Variants in KCNQ1 observed in about 807,000 individuals in gnomAD.
The protein encoded by KCNQ1 is potassium voltage-gated channel subfamily Q member 1.
In KCNQ1, 49 loss-of-function variants were observed where a neutral mutation model predicts 72.4. The ratio of observed to expected loss-of-function variants is 0.68; its 90% CI spans 0.54 to 0.86. KCNQ1 has a LOEUF of 0.86. KCNQ1 is among the 40% of genes least tolerant of loss of function. The pLI is 0.00. For missense variants in KCNQ1, 790 were observed against 945.1 expected (o/e 0.84, Z 2.15); for synonymous variants, 450 against 412.6 (o/e 1.09, Z -1.10).
Position 2,687,489 on chromosome 11 carries a change from C to G in KCNQ1, c.1514+25408C>G, listed in dbSNP as rs1850510588. 1 of 398,692 alleles carries G rather than the reference C, an allele frequency of 2.5e-6. No individual in the cohort carries two copies. Among genetic ancestry groups the G allele is most frequent in the Admixed American group, 4.4e-5 (1 of 22,722 alleles). The allele number at this position is 398,692 out of a possible 1,614,324, so 24.7% of individuals were successfully genotyped here. On this transcript the variant is annotated intron_variant, in intron 11 of 15. Coordinates refer to ENST00000155840, the MANE Select transcript of KCNQ1 (RefSeq NM_000218.3). This position sits in a 1 kb window ranked among gnomAD's most constrained non-coding sequence, Gnocchi z 5.0. ...CTGCAGCATTTCAATAGGGCCATCC[C>G]AGGCACCCTAGGACTTGAGACCAGC...
Position 2,677,670 on chromosome 11 carries a change from A to G in KCNQ1, c.1514+15589A>G. 2 of 398,608 alleles carry G rather than the reference A, an allele frequency of 5.0e-6. No individual in the cohort carries two copies. The highest frequency in any genetic ancestry group is 8.8e-6 in the Non-Finnish European group (2 of 226,052). The allele number at this position is 398,608 out of a possible 1,614,324, so 24.7% of individuals were successfully genotyped here. ...ACTGTTATTGCATATGAGATAAAAT[A>G]ATATTTTAACTACTGTTATTTTTCA... is the stretch of plus-strand genomic sequence containing the variant. On this transcript the variant is annotated intron_variant, in intron 11 of 15. Coordinates refer to ENST00000155840, the MANE Select transcript of KCNQ1 (RefSeq NM_000218.3). This position sits in a 1 kb window ranked among gnomAD's most constrained non-coding sequence, Gnocchi z 4.5.
chr11:2,740,460 G>A (rs896092820), intron 11 of KCNQ1, among the ~76,000 whole-genome samples: 18 of 152,222 alleles, frequency 1.2e-4, no homozygotes, highest in Non-Finnish European at 1.9e-4. Context: ...GAGGGACCCC[G>A]ATGCAGCCCC....
intron 12 of KCNQ1, among the ~76,000 whole-genome samples, chr11:2,773,540 A>C (rs1455578284): frequency 1.3e-5 from 2 of 151,796 alleles, no homozygotes. Context: ...CCCATCTTAC[A>C]GAAGGGAGCT....
In KCNQ1 at chr11:2,787,590, T is replaced by A. The variant is rs1846937220; in HGVS notation, c.1794+9553T>A. On this transcript the variant is annotated intron_variant, in intron 15 of 15. Transcript: ENST00000155840. The surrounding 1 kb of genome is among the most constrained non-coding windows in gnomAD (Gnocchi z 6.3). ...ATAAGTAAAATTGATTACAATAATA[T>A]ATTTTATTTAACCCAATAGATCCAA... 6.6e-6 allele frequency among the ~76,000 whole-genome samples: 1 copy of A among 152,214 alleles called. No homozygotes were observed. The highest frequency in any genetic ancestry group is 2.4e-5 in the African/African-American group (1 of 41,464).
intron 11 of KCNQ1, among the ~76,000 whole-genome samples, chr11:2,757,538 C>T (rs946445321): frequency 7.2e-5 from 11 of 152,144 alleles, no homozygotes; most frequent in African/African-American, 2.7e-4. Flanking sequence ...TAACAAGAAT[C>T]CTAGCAAGAT....
intron 11 of KCNQ1, chr11:2,684,490 C>A (rs568312004): frequency 2.3e-5 from 9 of 398,640 alleles, no homozygotes; most frequent in African/African-American, 1.8e-4. Flanking sequence ...TGGCTGAGTT[C>A]TCCTTCTATT....
intron 8 of KCNQ1, among the ~76,000 whole-genome samples, chr11:2,587,285 G>A (rs1272793682): frequency 6.6e-6 from 1 of 152,224 alleles, no homozygotes; most frequent in Non-Finnish European, 1.5e-5. Flanking sequence ...TTTGGCTCAA[G>A]GCTGGCTCAG....
rs1334400160 is a variant in KCNQ1 at position 2,486,153 on chromosome 11, A to T, written c.386+40669A>T. 6.6e-6 allele frequency among the ~76,000 whole-genome samples: 1 copy of T among 152,124 alleles called. No homozygotes were observed. The highest frequency in any genetic ancestry group is 2.4e-5 in the African/African-American group (1 of 41,416). Reference sequence around the variant, plus strand: ...CACAGTAGCTACCACATCCTCACCAACACTTGTAATTTCTGGGGTTTTTTA... The same window carrying T: ...CACAGTAGCTACCACATCCTCACCATCACTTGTAATTTCTGGGGTTTTTTA... On this transcript the variant is annotated intron_variant, in intron 1 of 15. Transcript: ENST00000155840. The surrounding 1 kb of genome is among the most constrained non-coding windows in gnomAD (Gnocchi z 5.0).
chr11:2,741,758 G>A (rs1846055135), intron 11 of KCNQ1, among the ~76,000 whole-genome samples: 1 of 152,248 alleles, frequency 6.6e-6, no homozygotes, highest in Non-Finnish European at 1.5e-5. Flanking sequence ...TGCAGGGGCA[G>A]CTGCGGGCGC....
Position 2,593,539 on chromosome 11 carries a change from AGGTGACCT to A in KCNQ1, c.1393+4688_1393+4695del, listed in dbSNP as rs1301994845. 3.3e-5 allele frequency among the ~76,000 whole-genome samples: 5 copies of A among 152,182 alleles called. No homozygotes were observed. Among genetic ancestry groups the A allele is most frequent in the African/African-American group, 1.2e-4 (5 of 41,444 alleles). ...CTGTGTGTGTCACCACGTGTTTGCC[AGGTGACCT>A]GGGACTATTGTGTGGTTTCCCGTTT... is the stretch of plus-strand genomic sequence containing the variant. On this transcript the variant is annotated intron_variant, in intron 10 of 15. Transcript: ENST00000155840. The surrounding 1 kb of genome is among the most constrained non-coding windows in gnomAD (Gnocchi z 6.9).
In KCNQ1 at chr11:2,661,500, A is replaced by T; in HGVS notation, c.1394-461A>T. On this transcript the variant is annotated intron_variant, in intron 10 of 15. Transcript: ENST00000155840. The surrounding 1 kb of genome is among the most constrained non-coding windows in gnomAD (Gnocchi z 5.9). ...CCACCTCCCAGGCTTGCCATTCCTC[A>T]TGGGTCAGAGGTCCTATCACCCCAT... The T allele has an allele frequency of 4.5e-6, 2 of 442,170 alleles. No homozygotes were observed. The highest frequency in any genetic ancestry group is 4.0e-6 in the Non-Finnish European group (1 of 251,598). 27.4% of individuals were successfully genotyped at this position (442,170 alleles called of 1,614,324 possible). A position where few individuals can be genotyped will look rare whatever the true frequency, so the allele number is the denominator to read the frequency against.
At position 2,483,801 on chromosome 11, in the gene KCNQ1, AGT is replaced by A. The variant is rs1313493093; in HGVS notation, c.386+38322_386+38323del. Among the ~76,000 whole-genome samples, 1 of 152,036 alleles carries A rather than the reference AGT, an allele frequency of 6.6e-6. No individual in the cohort carries two copies. The highest frequency in any genetic ancestry group is 1.5e-5 in the Non-Finnish European group (1 of 67,994). On this transcript the variant is annotated intron_variant, in intron 1 of 15. Coordinates refer to ENST00000155840, the MANE Select transcript of KCNQ1 (RefSeq NM_000218.3). The surrounding 1 kb of genome is among the most constrained non-coding windows in gnomAD (Gnocchi z 6.1). ...ATTTGACCTTGACCACTCAGGTAGG[AGT>A]GTGTCAGCTGGGCTTCTCAGCTGTA...
intron 10 of KCNQ1, chr11:2,643,171 G>T (rs1165426063): frequency 1.0e-5 from 4 of 398,102 alleles, no homozygotes; most frequent in Non-Finnish European, 1.8e-5. Flanking sequence ...ATGTCTGTTA[G>T]GTCCATTTGG....
At chr11:2,485,650 C>G (rs997247494) in intron 1 of KCNQ1, among the ~76,000 whole-genome samples, 1 of 152,106 alleles carries the variant, frequency 6.6e-6, no homozygotes, top group Non-Finnish European at 1.5e-5. Flanking sequence ...TTCTCATCCT[C>G]CCAAACTGAA....
intron 11 of KCNQ1, chr11:2,684,163 AG>A: frequency 2.5e-6 from 1 of 398,670 alleles, no homozygotes. Context: ...CAGAGGACTT[AG>A]GAAGAGAAGC....
rs1051559838 is a variant in KCNQ1 at position 2,745,611 on chromosome 11, A to G, written c.1515-23233A>G. ...CCCCAGCCCCTAATGTTCTTGCCTC[A>G]TGTCTTCAGGTGCGGGGCTGGCAGA... On this transcript the variant is annotated intron_variant, in intron 11 of 15. Transcript: ENST00000155840. This position sits in a 1 kb window ranked among gnomAD's most constrained non-coding sequence, Gnocchi z 6.2. 1.3e-5 allele frequency among the ~76,000 whole-genome samples: 2 copies of G among 152,164 alleles called. No homozygotes were observed. The highest frequency in any genetic ancestry group is 4.8e-5 in the African/African-American group (2 of 41,414).
rs184769761 is a variant in KCNQ1, at chr11:2,686,536, C to T, written c.1514+24455C>T. Reference sequence around the variant, plus strand: ...CTCCCGTCACGGAAATGACAGCTCCCAGCCCTGGGCAATGTGCTCCTGCAA... The same window carrying T: ...CTCCCGTCACGGAAATGACAGCTCCTAGCCCTGGGCAATGTGCTCCTGCAA... On this transcript the variant is annotated intron_variant, in intron 11 of 15. Coordinates refer to ENST00000155840, the MANE Select transcript of KCNQ1 (RefSeq NM_000218.3). 3.9e-4 allele frequency: 154 copies of T among 398,704 alleles called. No individual in the cohort carries two copies. In the East Asian group the frequency reaches 5.4e-3, roughly 14 times the overall value. 24.7% of individuals were successfully genotyped at this position (398,704 alleles called of 1,614,324 possible).
Position 2,698,632 on chromosome 11 carries a change from C to T in KCNQ1, c.1514+36551C>T. 1 of 398,552 alleles carries T rather than the reference C, an allele frequency of 2.5e-6. No homozygotes were observed. Among genetic ancestry groups the T allele is most frequent in the East Asian group, 3.6e-5 (1 of 28,064 alleles). The allele number at this position is 398,552 out of a possible 1,614,324, so 24.7% of individuals were successfully genotyped here. On this transcript the variant is annotated intron_variant, in intron 11 of 15. Coordinates refer to ENST00000155840, the MANE Select transcript of KCNQ1 (RefSeq NM_000218.3). The surrounding 1 kb of genome is among the most constrained non-coding windows in gnomAD (Gnocchi z 5.1). ...TCCTGACTCCCATACCCCACTGAGACCTCTAACCCCAATCCCAATCTCTTA... is the reference window on the plus strand; with the variant it reads ...TCCTGACTCCCATACCCCACTGAGATCTCTAACCCCAATCCCAATCTCTTA...
chr11:2,673,051 G>C lies in KCNQ1; in HGVS notation c.1514+10970G>C, dbSNP rs995242098. ...TATAGGGTCTAGGGCTGGCCAAAAG[G>C]GACAGTGAAGTTGGCTTCTCAGGCC... is the stretch of plus-strand genomic sequence containing the variant. On this transcript the variant is annotated intron_variant, in intron 11 of 15. Coordinates refer to ENST00000155840, the MANE Select transcript of KCNQ1 (RefSeq NM_000218.3). This position sits in a 1 kb window ranked among gnomAD's most constrained non-coding sequence, Gnocchi z 4.5. 6 of 398,640 alleles carry C rather than the reference G, an allele frequency of 1.5e-5. No individual in the cohort carries two copies. Among genetic ancestry groups the C allele is most frequent in the Non-Finnish European group, 2.7e-5 (6 of 226,176 alleles). The allele number at this position is 398,640 out of a possible 1,614,324, so 24.7% of individuals were successfully genotyped here. A position where few individuals can be genotyped will look rare whatever the true frequency, so the allele number is the denominator to read the frequency against.
Sources: allele counts gnomAD v4.1 joint callset (sites outside exome capture counted in the v4.1 genomes callset), GRCh38; gene constraint gnomAD v4.1.1; non-coding constraint Gnocchi (gnomAD v3.1); transcripts MANE v1.5; gene names NCBI Gene and HGNC (gene_info 2026-07-23, HGNC 2026-07-21).